The following THSD7A variants were observed in gnomAD, a reference collection of about 807,000 sequenced individuals.
THSD7A encodes the protein thrombospondin type-1 domain-containing protein 7A.
Under a neutral mutation model 231.3 loss-of-function variants are expected in THSD7A, and 96 were observed. That is an observed-to-expected ratio of 0.41 (90% CI 0.35 to 0.49). The LOEUF is 0.49. Among genes scored for constraint, THSD7A ranks in the 20% least tolerant of loss-of-function variants. The pLI is 0.05. For synonymous variants in THSD7A, 940 were observed against 743.3 expected (o/e 1.26, Z -4.30); for missense variants, 2,290 against 2,070.2 (o/e 1.11, Z -2.06).
chr7:11,776,120 T>A (rs573919004), intron 1 of THSD7A, among the ~76,000 whole-genome samples: 2 of 152,166 alleles, frequency 1.3e-5, no homozygotes, highest in Non-Finnish European at 2.9e-5. Flanking sequence ...CCAAGGGAGA[T>A]GCACTTTCAA....
intron 11 of THSD7A, among the ~76,000 whole-genome samples, chr7:11,454,342 C>A (rs1029742143): frequency 2.6e-5 from 4 of 151,704 alleles, no homozygotes; most frequent in African/African-American, 9.7e-5. Context: ...TTCTCAATAC[C>A]CAAAGCCTTG....
At chr7:11,762,333 T>G (rs1782890834) in intron 1 of THSD7A, among the ~76,000 whole-genome samples, 1 of 152,164 alleles carries the variant, frequency 6.6e-6, no homozygotes, top group Non-Finnish European at 1.5e-5. Context: ...TCATAGGTGT[T>G]GAATTAATTT....
At chr7:11,481,271 G>A (rs1037692216) in intron 7 of THSD7A, among the ~76,000 whole-genome samples, 4 of 152,096 alleles carry the variant, frequency 2.6e-5, no homozygotes, top group African/African-American at 9.7e-5. Flanking sequence ...TTACATATGA[G>A]ATTTCTGGAC....
intron 4 of THSD7A, among the ~76,000 whole-genome samples, chr7:11,555,267 G>T (rs1446278247): frequency 2.0e-5 from 3 of 151,868 alleles, no homozygotes; most frequent in African/African-American, 7.2e-5. Flanking sequence ...CTTTAGCTAT[G>T]CCTCACAGAT....
At chr7:11,602,313 T>G (rs894602857) in intron 2 of THSD7A, among the ~76,000 whole-genome samples, 2 of 152,110 alleles carry the variant, frequency 1.3e-5, no homozygotes, top group Non-Finnish European at 2.9e-5. Context: ...TGTGTGTATG[T>G]GTATATATGT....
At chr7:11,735,032 A>G (rs1781864899) in intron 1 of THSD7A, among the ~76,000 whole-genome samples, 1 of 151,924 alleles carries the variant, frequency 6.6e-6, no homozygotes, top group Non-Finnish European at 1.5e-5. Flanking sequence ...TGCTTCTTCA[A>G]ATAAGTCTTC....
At chr7:11,748,910 A>AT (rs1782406046) in intron 1 of THSD7A, among the ~76,000 whole-genome samples, 1 of 152,090 alleles carries the variant, frequency 6.6e-6, no homozygotes, top group Non-Finnish European at 1.5e-5. Flanking sequence ...TGATCATAAG[A>AT]TTTTTTGCAG....
chr7:11,788,593 A>G (rs1480427126), intron 1 of THSD7A, among the ~76,000 whole-genome samples: 1 of 152,082 alleles, frequency 6.6e-6, no homozygotes, highest in Non-Finnish European at 1.5e-5. Context: ...TTAAATGCAG[A>G]CAGTGAGACA....
intron 13 of THSD7A, among the ~76,000 whole-genome samples, chr7:11,435,252 A>G (rs1474165790): frequency 6.6e-6 from 1 of 152,080 alleles, no homozygotes; most frequent in Non-Finnish European, 1.5e-5. Flanking sequence ...TCTCTTGTAT[A>G]ATAAAGAATT....
At chr7:11,723,107 G>GA (rs1781416449) in intron 1 of THSD7A, among the ~76,000 whole-genome samples, 3 of 151,892 alleles carry the variant, frequency 2.0e-5, no homozygotes, top group South Asian at 4.1e-4. Flanking sequence ...ACTGGATTAA[G>GA]AAATGTGGCA....
chr7:11,749,002 G>C (rs1350466811), intron 1 of THSD7A, among the ~76,000 whole-genome samples: 1 of 151,906 alleles, frequency 6.6e-6, no homozygotes, highest in Non-Finnish European at 1.5e-5. Flanking sequence ...CTCTGAGAGA[G>C]TGTCACCCCA....
At chr7:11,450,931 T>C (rs142233531) in intron 11 of THSD7A, among the ~76,000 whole-genome samples, 29 of 152,028 alleles carry the variant, frequency 1.9e-4, no homozygotes, top group Non-Finnish European at 4.0e-4. Context: ...AATTCCATAT[T>C]TAACTCTGTT....
At chr7:11,558,508 G>A (rs1041819485) in intron 4 of THSD7A, among the ~76,000 whole-genome samples, 1 of 151,960 alleles carries the variant, frequency 6.6e-6, no homozygotes, top group Non-Finnish European at 1.5e-5. Context: ...TGTTTTAATG[G>A]GCTACTGGGA....
At chr7:11,422,106 A>T (rs182084571) in intron 16 of THSD7A, among the ~76,000 whole-genome samples, 72 of 152,358 alleles carry the variant, frequency 4.7e-4, no homozygotes, top group African/African-American at 1.7e-3. Context: ...TCAGAAGCCC[A>T]TCACAGGTGT....
chr7:11,436,652 T>A (rs1784642908), intron 13 of THSD7A, among the ~76,000 whole-genome samples: 1 of 151,896 alleles, frequency 6.6e-6, no homozygotes, highest in South Asian at 2.1e-4. Context: ...TTTTGAAACA[T>A]TCGGAATTTA....
Position 11,375,400 on chromosome 7 carries a change from C to A in THSD7A, c.*394G>T. The A allele has an allele frequency of 6.2e-6, 1 of 161,720 alleles. No homozygotes were observed. The highest frequency in any genetic ancestry group is 1.3e-5 in the Non-Finnish European group (1 of 74,462). The allele number at this position is 161,720 out of a possible 1,614,324, so 10.0% of individuals were successfully genotyped here. ...AATTTGACCATAGTATTGTGGAGAT[C>A]TTGGTAGAAACTCTTCATGCTAGGA... On this transcript the variant is annotated 3_prime_UTR_variant, in exon 28 of 28. Transcript: ENST00000423059.
At chr7:11,401,462 G>C (rs2115356619) in intron 23 of THSD7A, among the ~76,000 whole-genome samples, 1 of 152,240 alleles carries the variant, frequency 6.6e-6, no homozygotes. Context: ...TGTTGCCCAG[G>C]CTGGAGTGCA....
chr7:11,787,324 G>A (rs754803131), intron 1 of THSD7A, among the ~76,000 whole-genome samples: 5 of 151,848 alleles, frequency 3.3e-5, no homozygotes, highest in African/African-American at 7.3e-5. Flanking sequence ...AAATAACATG[G>A]GAGAAAATCT....
At chr7:11,418,322 TCTC>T (rs1416405852) in intron 16 of THSD7A, among the ~76,000 whole-genome samples, 3 of 152,208 alleles carry the variant, frequency 2.0e-5, no homozygotes, top group African/African-American at 7.2e-5. Context: ...TCCATTTTAT[TCTC>T]CTGTAAGCAG....
Sources: allele counts gnomAD v4.1 joint callset (sites outside exome capture counted in the v4.1 genomes callset), GRCh38; gene constraint gnomAD v4.1.1; transcripts MANE v1.5; gene names NCBI Gene and HGNC (gene_info 2026-07-23, HGNC 2026-07-21).